The following SAR1A variants were observed in gnomAD, a reference collection of about 807,000 sequenced individuals.
SAR1A encodes the protein secretion associated Ras related GTPase 1A.
In SAR1A, 6 loss-of-function variants were observed where a neutral mutation model predicts 22.6. That is an observed-to-expected ratio of 0.27 (90% confidence interval 0.15 to 0.52). SAR1A has a LOEUF of 0.52. Ranked by LOEUF, SAR1A falls within the 20% of genes least tolerant of loss-of-function variation. SAR1A has a pLI of 0.96. For missense variants in SAR1A, 145 were observed against 245.1 expected (o/e 0.59, Z 2.73); for synonymous variants, 70 against 82.2 (o/e 0.85, Z 0.80).
chr10:70,167,437 G>A (rs1223541324), intron 1 of SAR1A: 2 of 152,134 alleles, frequency 1.3e-5, no homozygotes, highest in African/African-American at 2.4e-5. Flanking sequence ...AAGAATGCCA[G>A]ATGAAGAATA....
chr10:70,153,898 A>T lies in SAR1A; in HGVS notation c.420T>A (p.Asp140Glu), dbSNP rs954471045. Reference protein sequence around the residue: ...LILGNKIDRTDAISEEKLREI... With the variant: ...LILGNKIDRTEAISEEKLREI... The stretch of plus-strand genomic sequence containing the variant: ...CACGGAGTTTTTCTTCACTGATTGC[A>T]TCTGTTCTGTCAATTTTGTTACCCA... Residue 140 changes from aspartate (D) to glutamate (E), a missense_variant, in exon 6 of 7, where the codon GAT (aspartate) becomes GAA (glutamate). Asp to Glu is a conservative substitution (Grantham distance 45). Around this residue, in one of 3 missense-constraint regions of SAR1A, gnomAD observed 83 missense variants for 114.7 expected, o/e 0.72. Coordinates refer to ENST00000373241, the MANE Select transcript of SAR1A (RefSeq NM_020150.5). The T allele has an allele frequency of 1.2e-6, 2 of 1,610,236 alleles. No individual in the cohort carries two copies. The highest frequency in any genetic ancestry group is 2.2e-5 in the South Asian group (2 of 90,256).
At position 70,149,902 on chromosome 10, in the gene SAR1A, G is replaced by A. The variant is rs1839307390; in HGVS notation, c.*2574C>T. The A allele has an allele frequency of 6.6e-6, 1 of 152,100 alleles. No individual in the cohort carries two copies. Among genetic ancestry groups the A allele is most frequent in the African/African-American group, 2.4e-5 (1 of 41,404 alleles). The allele number at this position is 152,100 out of a possible 1,614,324, so 9.4% of individuals were successfully genotyped here. On this transcript the variant is annotated 3_prime_UTR_variant, in exon 7 of 7. Transcript: ENST00000373241. ...GTGAAACACAGCTAAACTAGAACTA[G>A]TCCTTGCTAGCATGTTAATATAGAT...
chr10:70,152,410 C>T lies in SAR1A; in HGVS notation c.*66G>A. ...CTTTCCTTGTTCTATTAGAAAAGTT[C>T]ATGAGGAAGCTGTGAATAGGATCAG... On this transcript the variant is annotated 3_prime_UTR_variant, in exon 7 of 7. Transcript: ENST00000373241. The T allele has an allele frequency of 7.9e-7, 1 of 1,261,100 alleles. No individual in the cohort carries two copies. The highest frequency in any genetic ancestry group is 1.2e-5 in the South Asian group (1 of 83,470). 78.1% of individuals were successfully genotyped at this position (1,261,100 alleles called of 1,614,324 possible).
Position 70,148,844 on chromosome 10 carries a change from C to A in SAR1A, c.*3632G>T. The A allele has an allele frequency of 6.5e-6, 1 of 153,526 alleles. No individual in the cohort carries two copies. The highest frequency in any genetic ancestry group is 1.9e-4 in the East Asian group (1 of 5,228). The allele number at this position is 153,526 out of a possible 1,614,324, so 9.5% of individuals were successfully genotyped here. A position where few individuals can be genotyped will look rare whatever the true frequency, so the allele number is the denominator to read the frequency against. On this transcript the variant is annotated 3_prime_UTR_variant, in exon 7 of 7. Coordinates refer to ENST00000373241, the MANE Select transcript of SAR1A (RefSeq NM_020150.5). ...TTTCTCTCTCGAGTCCAGTGATTCT[C>A]CCTCAACGCTCAAGACTCCAGCATG...
chr10:70,163,604 C>T lies in SAR1A; in HGVS notation c.-16-1673G>A, dbSNP rs1179366989. ...AAAATCCTAGGGCCCTGAAGAATGA[C>T]ACTAAATCAGTCCAAGTGGAGCAAG... On this transcript the variant is annotated intron_variant, in intron 1 of 6. Coordinates refer to ENST00000373241, the MANE Select transcript of SAR1A (RefSeq NM_020150.5). 15 of 663,908 alleles carry T rather than the reference C, an allele frequency of 2.3e-5. No individual in the cohort carries two copies. The South Asian group carries it at 2.3e-4, about 10-fold the overall frequency. 41.1% of individuals were successfully genotyped at this position (663,908 alleles called of 1,614,324 possible).
rs1394328785 is a variant in SAR1A at position 70,147,768 on chromosome 10, G to A, written c.*4708C>T. On this transcript the variant is annotated 3_prime_UTR_variant, in exon 7 of 7. Coordinates refer to ENST00000373241, the MANE Select transcript of SAR1A (RefSeq NM_020150.5). ...AGAGGAGGATGAACGAGTATGTCGG[G>A]GAGTGGGGGGGCGCGGAGCTTCATG... The A allele has an allele frequency of 6.6e-6, 1 of 152,322 alleles. No homozygotes were observed. Among genetic ancestry groups the A allele is most frequent in the African/African-American group, 2.4e-5 (1 of 41,460 alleles). The allele number at this position is 152,322 out of a possible 1,614,324, so 9.4% of individuals were successfully genotyped here. A position where few individuals can be genotyped will look rare whatever the true frequency, so the allele number is the denominator to read the frequency against.
At chr10:70,167,993 T>A (rs762800647) in intron 1 of SAR1A, among the ~76,000 whole-genome samples, 2 of 152,194 alleles carry the variant, frequency 1.3e-5, no homozygotes, top group Admixed American at 1.3e-4. Context: ...AAAAGAACAA[T>A]GTGCCCTTCC....
rs188757170 is a variant in SAR1A at position 70,169,726 on chromosome 10, C to T, written c.-17+687G>A. ...CAAAGGTCAGCCCCATGGCGAATCT[C>T]CCTAAGCCCCCTGTCGCAACCGAAG... On this transcript the variant is annotated intron_variant, in intron 1 of 6. Transcript: ENST00000373241. Among the ~76,000 whole-genome samples, 7 of 152,310 alleles carry T rather than the reference C, an allele frequency of 4.6e-5. No homozygotes were observed. In the East Asian group the frequency reaches 1.2e-3, roughly 25 times the overall value.
At chr10:70,157,902 A>G (rs1364915565) in intron 4 of SAR1A, 35 bp from the exon 5 acceptor site, 1 of 1,392,150 alleles carries the variant, frequency 7.2e-7, no homozygotes, top group Non-Finnish European at 1.0e-6. Context: ...ATGAGTAAAA[A>G]ATATACATTG....
At chr10:70,157,622 C>A in intron 5 of SAR1A, 142 bp downstream of exon 5, 1 of 581,638 alleles carries the variant, frequency 1.7e-6, no homozygotes, top group Non-Finnish European at 3.0e-6. Flanking sequence ...AAAACATTTT[C>A]CTCCTGCAAC....
chr10:70,161,401 T>C (rs943769826), intron 3 of SAR1A: 14 of 595,254 alleles, frequency 2.4e-5, no homozygotes, highest in Non-Finnish European at 4.1e-5. Flanking sequence ...ATAGGAGAGG[T>C]GTCCCTTTAC....
intron 1 of SAR1A, chr10:70,163,615 T>C: frequency 4.3e-6 from 3 of 690,730 alleles, no homozygotes; most frequent in Non-Finnish European, 8.0e-6. Flanking sequence ...ACTAAATCAG[T>C]CCAAGTGGAG....
intron 1 of SAR1A, among the ~76,000 whole-genome samples, chr10:70,165,251 C>A (rs1004048740): frequency 4.3e-5 from 5 of 117,334 alleles, no homozygotes; most frequent in Non-Finnish European, 6.6e-5. Flanking sequence ...GGCGACAGAG[C>A]GAGACTCCGT....
At chr10:70,165,737 G>A (rs79245137) in intron 1 of SAR1A, among the ~76,000 whole-genome samples, 4,407 of 152,276 alleles carry the variant, frequency 0.029, 90 homozygotes, top group East Asian at 0.058. Context: ...ACTTACTTGA[G>A]TTTACATAAA....
In SAR1A at chr10:70,150,874, G is replaced by A. The variant is rs1046747; in HGVS notation, c.*1602C>T. ...CCCACAAGTCAGTACTGGAGAATAA[G>A]AATGAGAACTCCAACTAAAGAACAA... On this transcript the variant is annotated 3_prime_UTR_variant, in exon 7 of 7. Coordinates refer to ENST00000373241, the MANE Select transcript of SAR1A (RefSeq NM_020150.5). 43,669 of 152,332 alleles carry A rather than the reference G, an allele frequency of 0.29. 7,533 individuals are homozygous for A. The highest frequency in any genetic ancestry group is 0.38 in the Non-Finnish European group (25,750 of 67,934). The allele number at this position is 152,332 out of a possible 1,614,324, so 9.4% of individuals were successfully genotyped here.
chr10:70,164,048 T>G, intron 1 of SAR1A: 1 of 798,720 alleles, frequency 1.3e-6, no homozygotes, highest in South Asian at 1.3e-5. Context: ...ATGAAGAAGT[T>G]GATTAAATGA....
At position 70,161,072 on chromosome 10, in the gene SAR1A, G is replaced by A; in HGVS notation, c.179-3C>T. ...AGCAATTGTTAGCTCTTCTGATGCTGAAAAATTGTTTAAAAAGAAGAAAAA... is the reference window on the plus strand; with the variant it reads ...AGCAATTGTTAGCTCTTCTGATGCTAAAAAATTGTTTAAAAAGAAGAAAAA... On this transcript the variant is annotated splice_polypyrimidine_tract_variant and splice_region_variant and intron_variant, in intron 3 of 6. Transcript: ENST00000373241. 2 of 1,609,520 alleles carry A rather than the reference G, an allele frequency of 1.2e-6. No homozygotes were observed. Among genetic ancestry groups the A allele is most frequent in the Non-Finnish European group, 8.5e-7 (1 of 1,177,696 alleles).
intron 1 of SAR1A, among the ~76,000 whole-genome samples, chr10:70,168,546 C>T (rs929688067): frequency 6.6e-6 from 1 of 151,990 alleles, no homozygotes; most frequent in Non-Finnish European, 1.5e-5. Flanking sequence ...GAGCCGAGGT[C>T]ATGACATTGC....
In SAR1A at chr10:70,153,946, T is replaced by G. The variant is rs965334209; in HGVS notation, c.372A>C (p.Ile124=). 1 of 1,594,850 alleles carries G rather than the reference T, an allele frequency of 6.3e-7. No homozygotes were observed. The highest frequency in any genetic ancestry group is 1.4e-5 in the African/African-American group (1 of 73,544). Reference sequence around the variant, plus strand: ...CCAAGATAAGGATTGGCACATTGGATATTGTTTCATCAGTCATTAAAGCCT... The same window carrying G: ...CCAAGATAAGGATTGGCACATTGGAGATTGTTTCATCAGTCATTAAAGCCT... ...ELNALMTDET[I]SNVPILILGN... is the part of the protein sequence containing the mutation. Residue 124 remains isoleucine (I), a synonymous_variant, in exon 6 of 7, where the codon ATA becomes ATC. Transcript: ENST00000373241.
Sources: allele counts gnomAD v4.1 joint callset (sites outside exome capture counted in the v4.1 genomes callset), GRCh38; gene constraint gnomAD v4.1.1; regional missense constraint gnomAD v4.1.1; transcripts MANE v1.5; gene names NCBI Gene and HGNC (gene_info 2026-07-23, HGNC 2026-07-21).